The following IL17RC variants were observed in gnomAD, a reference collection of about 807,000 sequenced individuals.
IL17RC encodes the protein interleukin-17 receptor C.
Under a neutral mutation model 86.7 loss-of-function variants are expected in IL17RC, and 53 were observed. The observed-to-expected ratio is 0.61, with a 90% CI of 0.49 to 0.77. IL17RC has a LOEUF of 0.77. Ranked by LOEUF, IL17RC falls within the 30% of genes least tolerant of loss-of-function variation. The pLI is 0.00. For synonymous variants in IL17RC, 439 were observed against 413.1 expected (o/e 1.06, Z -0.76); for missense variants, 957 against 940.0 (o/e 1.02, Z -0.24).
Position 9,933,012 on chromosome 3 carries a change from C to T in IL17RC, c.1582C>T (p.Arg528Cys). 1.3e-6 allele frequency: 2 copies of T among 1,565,960 alleles called. No individual in the cohort carries two copies. The highest frequency in any genetic ancestry group is 1.7e-6 in the Non-Finnish European group (2 of 1,164,514). Residue 528 changes from arginine (R) to cysteine (C), a missense_variant, in exon 19 of 19, where the codon CGC becomes TGC. Arg to Cys is a radical substitution (Grantham distance 180, BLOSUM62 -3). Transcript: ENST00000403601. Reference protein sequence around the residue: ...LYSADDSGFERLVGALASALC... With the variant: ...LYSADDSGFECLVGALASALC... The stretch of plus-strand genomic sequence containing the variant: ...CTCAGCCGATGACTCGGGTTTCGAG[C>T]GCCTGGTGGGCGCCCTGGCGTCGGC...
Position 9,920,608 on chromosome 3 carries a change from T to A in IL17RC, c.577+6T>A. The A allele has an allele frequency of 6.3e-7, 1 of 1,580,440 alleles. No homozygotes were observed. The highest frequency in any genetic ancestry group is 8.7e-7 in the Non-Finnish European group (1 of 1,155,892). ...CCACACACAGCAGCTGCCTGGTAAGTGGACCCCCAAGTCCTGGCCCCCTAG... is the reference window on the plus strand; with the variant it reads ...CCACACACAGCAGCTGCCTGGTAAGAGGACCCCCAAGTCCTGGCCCCCTAG... On this transcript the variant is annotated splice_donor_region_variant and intron_variant, in intron 6 of 18. Coordinates refer to ENST00000403601, the MANE Select transcript of IL17RC (RefSeq NM_153460.4).
rs1158346259 is a variant in IL17RC, at chr3:9,928,301, G to A, written c.878-4G>A. On this transcript the variant is annotated splice_polypyrimidine_tract_variant and splice_region_variant and intron_variant, in intron 10 of 18. Coordinates refer to ENST00000403601, the MANE Select transcript of IL17RC (RefSeq NM_153460.4). ...CCTGCGGTGACTGTGCCCTTTCCTT[G>A]CAGACCCCCGCGCACACCAGAACCT... 6.2e-7 allele frequency: 1 copy of A among 1,609,890 alleles called. No individual in the cohort carries two copies.
intron 7 of IL17RC, among the ~76,000 whole-genome samples, chr3:9,922,061 T>A (rs1421995444): frequency 6.7e-6 from 1 of 149,522 alleles, no homozygotes. Flanking sequence ...CAAGCGATTC[T>A]CCTGCCTCAG....
chr3:9,932,922 C>T (rs2084910240), intron 18 of IL17RC, 31 bp from the exon 19 acceptor site: 2 of 1,610,080 alleles, frequency 1.2e-6, no homozygotes, highest in Non-Finnish European at 1.7e-6. Flanking sequence ...GCCAGCTCAC[C>T]TCTTCCCTCC....
rs2083454580 is a variant in IL17RC, at chr3:9,920,565, G to A, written c.540G>A (p.Arg180=). 7 of 1,608,170 alleles carry A rather than the reference G, an allele frequency of 4.4e-6. No individual in the cohort carries two copies. The highest frequency in any genetic ancestry group is 5.1e-6 in the Non-Finnish European group (6 of 1,176,756). ...GAATCTGGTCCTATACTCAGCCCAG[G>A]TACGAGAAGGAACTCAACCACACAC... is the stretch of plus-strand genomic sequence containing the variant. The part of the protein sequence containing the change: ...EVRIWSYTQP[R]YEKELNHTQQ... Residue 180 remains arginine (R), a synonymous_variant, in exon 6 of 19, where the codon AGG becomes AGA. Transcript: ENST00000403601.
At chr3:9,923,505 G>A (rs1276532079) in intron 7 of IL17RC, among the ~76,000 whole-genome samples, 2 of 147,932 alleles carry the variant, frequency 1.4e-5, no homozygotes, top group African/African-American at 5.0e-5. Flanking sequence ...GTGAGCTATC[G>A]TGCCAATGCA....
chr3:9,917,302 C>A lies in IL17RC; in HGVS notation c.-14C>A. On this transcript the variant is annotated 5_prime_UTR_variant, in exon 1 of 19. In the 5' UTR this introduces an upstream ATG that the reference lacks. Transcript: ENST00000403601. ...ACAGGGCCTCAGGCCTGGGTGCCAC[C>A]TGGCACCTAGAAGATGCCTGTGCCC... is the stretch of plus-strand genomic sequence containing the variant. 6.2e-7 allele frequency: 1 copy of A among 1,607,612 alleles called. No individual in the cohort carries two copies. The highest frequency in any genetic ancestry group is 8.5e-7 in the Non-Finnish European group (1 of 1,175,854).
At chr3:9,931,453 T>TCACACACACACACACACACACACACACA (rs201407577) in intron 16 of IL17RC, among the ~76,000 whole-genome samples, 11 of 44,962 alleles carry the variant, frequency 2.4e-4, no homozygotes, top group Non-Finnish European at 4.8e-4. Context: ...TTTATATATT[T>TCACACACACACACACACACACACACACA]CACACACACA....
chr3:9,922,942 G>A (rs576290706), intron 7 of IL17RC, among the ~76,000 whole-genome samples: 1 of 152,124 alleles, frequency 6.6e-6, no homozygotes, highest in African/African-American at 2.4e-5. Flanking sequence ...TTGGGAGGCC[G>A]AGGCTGGCGG....
chr3:9,928,700 A>G, intron 12 of IL17RC, 70 bp downstream of exon 12: 2 of 1,506,736 alleles, frequency 1.3e-6, no homozygotes, highest in South Asian at 2.3e-5. Flanking sequence ...AGGGGGTCTT[A>G]GTTCTTGGGC....
Position 9,930,566 on chromosome 3 carries a change from A to C in IL17RC, c.1338+107A>C. 2.6e-6 allele frequency: 3 copies of C among 1,139,884 alleles called. No individual in the cohort carries two copies. Among genetic ancestry groups the C allele is most frequent in the Non-Finnish European group, 3.8e-6 (3 of 781,918 alleles). 70.6% of individuals were successfully genotyped at this position (1,139,884 alleles called of 1,614,324 possible). A position where few individuals can be genotyped will look rare whatever the true frequency, so the allele number is the denominator to read the frequency against. On this transcript the variant is annotated intron_variant, in intron 15 of 18. Coordinates refer to ENST00000403601, the MANE Select transcript of IL17RC (RefSeq NM_153460.4). This position sits in a 1 kb window ranked among gnomAD's most constrained non-coding sequence, Gnocchi z 5.8. ...GCTTATTTTATGTTCAGCCCTGGGA[A>C]AGTTAAGAGTAGAAGAAGCACAGTT...
rs140918692 is a variant in IL17RC, at chr3:9,933,424, C to T, written c.1994C>T (p.Ala665Val). 2.4e-4 allele frequency: 393 copies of T among 1,613,242 alleles called. 3 individuals carry two copies. The African/African-American group carries it at 4.5e-3, about 18-fold the overall frequency. The change falls in exon 19 of 19, where the codon GCC becomes GTC. Residue 665 changes from alanine (A) to valine (V), a missense_variant. Coordinates refer to ENST00000403601, the MANE Select transcript of IL17RC (RefSeq NM_153460.4). ...TCCCAACTGCCAGACTTCCTGGGGG[C>T]CCTGCAGCAGCCTCGCGCCCCGCGT... is the stretch of plus-strand genomic sequence containing the variant. ...LPSQLPDFLG[A>V]LQQPRAPRSG...
rs2084469371 is a variant in IL17RC at position 9,929,697 on chromosome 3, T to TCCTAATCACCC, written c.1111-154_1111-144dup. On this transcript the variant is annotated intron_variant, in intron 12 of 18. Transcript: ENST00000403601. ...CTGGGGCAGAGAAAGATGTAGTGATTCCTAATCACCCAGCCTTGAATCCAC... is the reference window on the plus strand; with the variant it reads ...CTGGGGCAGAGAAAGATGTAGTGATTCCTAATCACCCCCTAATCACCCAGCCTTGAATCCAC... 3 of 778,096 alleles carry TCCTAATCACCC rather than the reference T, an allele frequency of 3.9e-6. No homozygotes were observed. The East Asian group carries it at 7.3e-5, about 19-fold the overall frequency. The allele number at this position is 778,096 out of a possible 1,614,324, so 48.2% of individuals were successfully genotyped here. A position where few individuals can be genotyped will look rare whatever the true frequency, so the allele number is the denominator to read the frequency against.
chr3:9,932,500 A>G, intron 16 of IL17RC, 108 bp from the exon 17 acceptor site: 1 of 995,024 alleles, frequency 1.0e-6, no homozygotes, highest in Middle Eastern at 2.7e-4. Flanking sequence ...TGCTGGGATT[A>G]TATAAAGGCA....
In IL17RC at chr3:9,930,272, C is replaced by A. The variant is rs1455203682; in HGVS notation, c.1278+123C>A. ...ACATGGGGGGTGACTCAGACCAGGG[C>A]CATATTCAGCGGCATCACCAAAGTC... On this transcript the variant is annotated intron_variant, in intron 14 of 18. Coordinates refer to ENST00000403601, the MANE Select transcript of IL17RC (RefSeq NM_153460.4). The surrounding 1 kb of genome is among the most constrained non-coding windows in gnomAD (Gnocchi z 5.8). The A allele has an allele frequency of 2.0e-6, 3 of 1,525,272 alleles. No homozygotes were observed. Among genetic ancestry groups the A allele is most frequent in the African/African-American group, 1.4e-5 (1 of 73,398 alleles). The allele number at this position is 1,525,272 out of a possible 1,614,324, so 94.5% of individuals were successfully genotyped here.
intron 5 of IL17RC, 140 bp from the exon 6 acceptor site, chr3:9,920,351 T>C (rs1292098263): frequency 1.2e-5 from 7 of 592,890 alleles, no homozygotes; most frequent in African/African-American, 1.9e-5. Flanking sequence ...AATAGTAGAT[T>C]TCAGGCTATA....
At position 9,917,270 on chromosome 3, in the gene IL17RC, G is replaced by C; in HGVS notation, c.-46G>C. ...TGGGGTGTCTGCCCCCCTTGGGGGG[G>C]GGCAGCACAGGGCCTCAGGCCTGGG... On this transcript the variant is annotated 5_prime_UTR_variant, in exon 1 of 19. Coordinates refer to ENST00000403601, the MANE Select transcript of IL17RC (RefSeq NM_153460.4). 6.6e-7 allele frequency: 1 copy of C among 1,513,688 alleles called. No homozygotes were observed. Among genetic ancestry groups the C allele is most frequent in the South Asian group, 1.2e-5 (1 of 83,062 alleles). 93.8% of individuals were successfully genotyped at this position (1,513,688 alleles called of 1,614,324 possible). A position where few individuals can be genotyped will look rare whatever the true frequency, so the allele number is the denominator to read the frequency against.
In IL17RC at chr3:9,928,331, C is replaced by A; in HGVS notation, c.904C>A (p.Gln302Lys). 1 of 1,603,834 alleles carries A rather than the reference C, an allele frequency of 6.2e-7. No individual in the cohort carries two copies. The highest frequency in any genetic ancestry group is 1.1e-5 in the South Asian group (1 of 90,352). Residue 302 changes from glutamine (Q) to lysine (K), a missense_variant, in exon 11 of 19, where the codon CAA becomes AAA. Physicochemically the swap from Gln to Lys is moderately conservative, Grantham distance 53. Coordinates refer to ENST00000403601, the MANE Select transcript of IL17RC (RefSeq NM_153460.4). ...EDPRAHQNLW[Q>K]AARLQLLTLQ... is the part of the protein sequence containing the mutation. Reference sequence around the variant, plus strand: ...CCCCCGCGCACACCAGAACCTCTGGCAAGCCGCCCGACTGCAACTGCTGAC... The same window carrying A: ...CCCCCGCGCACACCAGAACCTCTGGAAAGCCGCCCGACTGCAACTGCTGAC...
chr3:9,924,902 A>G (rs2083912629), intron 9 of IL17RC, among the ~76,000 whole-genome samples: 1 of 151,008 alleles, frequency 6.6e-6, no homozygotes, highest in African/African-American at 2.4e-5. Context: ...CATGGGCTCA[A>G]GTGATCCTCC....
Sources: allele counts gnomAD v4.1 joint callset (sites outside exome capture counted in the v4.1 genomes callset), GRCh38; gene constraint gnomAD v4.1.1; non-coding constraint Gnocchi (gnomAD v3.1); transcripts MANE v1.5; gene names NCBI Gene and HGNC (gene_info 2026-07-23, HGNC 2026-07-21).